The following GRIN2A variants were observed in gnomAD, a reference collection of about 807,000 sequenced individuals.
GRIN2A encodes glutamate ionotropic receptor NMDA type subunit 2A.
A neutral mutation model predicts 113.4 loss-of-function variants in GRIN2A; 22 were observed. The ratio of observed to expected loss-of-function variants is 0.19; its 90% CI spans 0.14 to 0.28. GRIN2A has a LOEUF of 0.28. Among genes scored for constraint, GRIN2A ranks in the 10% least tolerant of loss-of-function variants. The pLI, the probability that GRIN2A is intolerant of heterozygous loss-of-function variation, is 1.00. For synonymous variants in GRIN2A, 827 were observed against 738.4 expected (o/e 1.12, Z -1.94); for missense variants, 1,502 against 1,887.0 (o/e 0.80, Z 3.78).
chr16:10,029,905 G>T (rs939594434), intron 2 of GRIN2A, among the ~76,000 whole-genome samples: 1 of 152,194 alleles, frequency 6.6e-6, no homozygotes, highest in Admixed American at 6.5e-5. Flanking sequence ...GCTGAGACAG[G>T]AGAATTGCTT....
At chr16:9,967,530 A>T (rs1443675446) in intron 2 of GRIN2A, among the ~76,000 whole-genome samples, 1 of 152,068 alleles carries the variant, frequency 6.6e-6, no homozygotes, top group Non-Finnish European at 1.5e-5. Flanking sequence ...ACGTGGCGAA[A>T]CCCGTGTCTA....
At chr16:9,856,853 T>C (rs989379614) in intron 4 of GRIN2A, among the ~76,000 whole-genome samples, 3 of 151,816 alleles carry the variant, frequency 2.0e-5, no homozygotes, top group Non-Finnish European at 2.9e-5. Flanking sequence ...TTTTTAAGTC[T>C]GTGAAAAAAT....
chr16:9,828,647 G>A (rs1372489381), intron 9 of GRIN2A, among the ~76,000 whole-genome samples: 2 of 152,126 alleles, frequency 1.3e-5, no homozygotes, highest in South Asian at 2.1e-4. Flanking sequence ...GATGCACCCA[G>A]TTTACCTCTT....
Position 9,840,773 on chromosome 16 carries a change from C to G in GRIN2A, c.1525G>C (p.Val509Leu), listed in dbSNP as rs2042660049. The change falls in exon 7 of 13, where the codon GTT (valine) becomes CTT (leucine). Residue 509 changes from valine (V) to leucine (L), a missense_variant. Physicochemically the swap from Val to Leu is conservative, Grantham distance 32 (BLOSUM62 1). Transcript: ENST00000330684. ...TCCTCATTGATGGTGAGCGAGCCAACTGCCATGACTGCCCGTTGATAGACC... is the reference window on the plus strand; with the variant it reads ...TCCTCATTGATGGTGAGCGAGCCAAGTGCCATGACTGCCCGTTGATAGACC... ...EVVYQRAVMAVGSLTINEERS... is the reference protein window; with the variant it reads ...EVVYQRAVMALGSLTINEERS... 1.3e-6 allele frequency: 2 copies of G among 1,597,240 alleles called. No homozygotes were observed. The highest frequency in any genetic ancestry group is 1.4e-5 in the African/African-American group (1 of 69,510).
At chr16:9,799,263 GC>G (rs1259406741) in intron 10 of GRIN2A, among the ~76,000 whole-genome samples, 8 of 152,292 alleles carry the variant, frequency 5.3e-5, no homozygotes, top group African/African-American at 1.7e-4. Context: ...ATCCACTGTG[GC>G]TGCCGTCCTT....
chr16:9,938,575 C>T (rs1555455860), intron 2 of GRIN2A, 24 bp from the exon 3 acceptor site: 5 of 1,561,628 alleles, frequency 3.2e-6, no homozygotes, highest in Non-Finnish European at 4.4e-6. Flanking sequence ...GAAAGTAAAA[C>T]AGAGGATGAG....
intron 3 of GRIN2A, among the ~76,000 whole-genome samples, chr16:9,922,867 A>T (rs1272684042): frequency 6.6e-6 from 1 of 152,178 alleles, no homozygotes; most frequent in South Asian, 2.1e-4. Flanking sequence ...TGTGTTAGTG[A>T]ATCCTTTTAA....
intron 2 of GRIN2A, among the ~76,000 whole-genome samples, chr16:10,022,844 A>C (rs1053897716): frequency 2.0e-5 from 3 of 152,174 alleles, no homozygotes; most frequent in Admixed American, 1.3e-4. Context: ...GAAAAATGCC[A>C]ACAATGACAC....
At chr16:9,991,788 A>G (rs2046118562) in intron 2 of GRIN2A, among the ~76,000 whole-genome samples, 1 of 152,220 alleles carries the variant, frequency 6.6e-6, no homozygotes, top group African/African-American at 2.4e-5. Flanking sequence ...TTCTCAGCAA[A>G]CTAACATAGG....
chr16:10,109,030 AAAAAAC>A (rs1254088218), intron 2 of GRIN2A, among the ~76,000 whole-genome samples: 73 of 150,484 alleles, frequency 4.9e-4, no homozygotes, highest in African/African-American at 1.7e-3. Context: ...AAAAAAAAAA[AAAAAAC>A]AAAATTGATA....
intron 2 of GRIN2A, among the ~76,000 whole-genome samples, chr16:9,999,572 T>A (rs1362383593): frequency 6.6e-6 from 1 of 151,866 alleles, no homozygotes. Flanking sequence ...AAGGGGAACA[T>A]CACACACTGG....
chr16:10,051,633 T>G (rs894362616), intron 2 of GRIN2A, among the ~76,000 whole-genome samples: 1 of 152,216 alleles, frequency 6.6e-6, no homozygotes, highest in African/African-American at 2.4e-5. Context: ...AATTGAATAT[T>G]GCCGAATTCA....
At chr16:10,177,542 C>T (rs1480012378) in intron 2 of GRIN2A, among the ~76,000 whole-genome samples, 1 of 152,160 alleles carries the variant, frequency 6.6e-6, no homozygotes, top group Non-Finnish European at 1.5e-5. Flanking sequence ...CTCTCCAACC[C>T]CTCTTAAGTC....
intron 11 of GRIN2A, among the ~76,000 whole-genome samples, chr16:9,778,610 C>T (rs1043038768): frequency 6.6e-6 from 1 of 152,352 alleles, no homozygotes; most frequent in East Asian, 1.9e-4. Context: ...TCCAGTACTA[C>T]AGCAGCTAAC....
intron 4 of GRIN2A, among the ~76,000 whole-genome samples, chr16:9,884,780 C>G (rs1451223367): frequency 1.4e-5 from 2 of 145,180 alleles, no homozygotes; most frequent in East Asian, 4.2e-4. Context: ...GATGGAGTCT[C>G]ACTCTGTGGC....
At chr16:9,995,372 T>C (rs147568173) in intron 2 of GRIN2A, among the ~76,000 whole-genome samples, 69 of 152,274 alleles carry the variant, frequency 4.5e-4, no homozygotes, top group African/African-American at 1.5e-3. Flanking sequence ...AGGGGATAGA[T>C]GACGAATTAG....
intron 2 of GRIN2A, among the ~76,000 whole-genome samples, chr16:10,085,194 T>A (rs998919749): frequency 1.3e-5 from 2 of 152,120 alleles, no homozygotes; most frequent in Non-Finnish European, 2.9e-5. Flanking sequence ...TTATTTCTTA[T>A]AAGGGGTTGC....
At chr16:9,893,947 G>A (rs1370183405) in intron 3 of GRIN2A, among the ~76,000 whole-genome samples, 1 of 152,114 alleles carries the variant, frequency 6.6e-6, no homozygotes, top group Non-Finnish European at 1.5e-5. Context: ...TAATTCAATG[G>A]CATAGACACA....
At chr16:9,930,314 T>C (rs561029597) in intron 3 of GRIN2A, among the ~76,000 whole-genome samples, 5 of 152,274 alleles carry the variant, frequency 3.3e-5, no homozygotes, top group East Asian at 1.9e-4. Context: ...ATTTTCTCTG[T>C]TTACAATCAA....
Sources: gnomAD v4.1 joint callset for allele counts (sites outside exome capture counted in the v4.1 genomes callset) on GRCh38, gnomAD v4.1.1 for gene constraint, MANE v1.5 for transcripts, NCBI Gene and HGNC (gene_info 2026-07-23, HGNC 2026-07-21) for gene names.